ATP8A2: variants seen among roughly 807,000 people sequenced by gnomAD.
ATP8A2 encodes ATPase phospholipid transporting 8A2.
Under a neutral mutation model 165.6 loss-of-function variants are expected in ATP8A2, and 100 were observed. That is an observed-to-expected ratio of 0.60 (90% CI 0.51 to 0.71). The LOEUF (loss-of-function observed/expected upper bound fraction) is 0.71, where lower values mean the gene tolerates loss of function less well. Ranked by LOEUF, ATP8A2 falls within the 30% of genes least tolerant of loss-of-function variation. ATP8A2 has a pLI of 0.00. For missense variants in ATP8A2, 1,227 were observed against 1,479.5 expected (o/e 0.83, Z 2.80); for synonymous variants, 543 against 548.8 (o/e 0.99, Z 0.15).
chr13:25,725,393 G>C (rs2043470760), intron 25 of ATP8A2, among the ~76,000 whole-genome samples: 1 of 152,214 alleles, frequency 6.6e-6, no homozygotes, highest in Non-Finnish European at 1.5e-5. Flanking sequence ...CATTAAAGTG[G>C]ACCAAAGTGG....
chr13:25,505,061 A>T (rs1009207088), intron 2 of ATP8A2, among the ~76,000 whole-genome samples: 1 of 152,172 alleles, frequency 6.6e-6, no homozygotes, highest in African/African-American at 2.4e-5. Context: ...GATAGCAATC[A>T]CTTTACCAAA....
intron 33 of ATP8A2, among the ~76,000 whole-genome samples, chr13:25,932,854 T>TC (rs1372946408): frequency 6.6e-6 from 1 of 152,184 alleles, no homozygotes; most frequent in Admixed American, 6.5e-5. Context: ...CATGAACTTT[T>TC]CTTTTTTTTT....
intron 33 of ATP8A2, among the ~76,000 whole-genome samples, chr13:25,903,470 T>C (rs1953829490): frequency 6.6e-6 from 1 of 152,320 alleles, no homozygotes; most frequent in Non-Finnish European, 1.5e-5. Context: ...GGAATGATCC[T>C]TTCAGAACCT....
At chr13:25,447,385 C>T (rs189309029) in intron 1 of ATP8A2, among the ~76,000 whole-genome samples, 91 of 152,214 alleles carry the variant, frequency 6.0e-4, no homozygotes, top group Middle Eastern at 6.8e-3. Flanking sequence ...AAACATTTAT[C>T]ATTTCTCTGT....
chr13:25,642,423 C>A (rs1453778393), intron 24 of ATP8A2, among the ~76,000 whole-genome samples: 1 of 152,048 alleles, frequency 6.6e-6, no homozygotes, highest in Non-Finnish European at 1.5e-5. Context: ...AACCCCATCA[C>A]AAAGTGGGCG....
intron 27 of ATP8A2, among the ~76,000 whole-genome samples, chr13:25,785,579 A>G (rs1432744392): frequency 2.0e-5 from 3 of 152,120 alleles, no homozygotes; most frequent in Non-Finnish European, 4.4e-5. Flanking sequence ...CAGTAGAGAC[A>G]TAGTTGTCTA....
chr13:25,485,594 G>T (rs1249221011), intron 2 of ATP8A2, among the ~76,000 whole-genome samples: 1 of 152,218 alleles, frequency 6.6e-6, no homozygotes, highest in African/African-American at 2.4e-5. Flanking sequence ...AGCTGGTGTT[G>T]AAAGTTCTTC....
chr13:25,390,867 G>A (rs11617221), intron 1 of ATP8A2, among the ~76,000 whole-genome samples: 38,261 of 151,336 alleles, frequency 0.25, 6,433 homozygotes, highest in Non-Finnish European at 0.38. Context: ...AGAGGTTGCA[G>A]TGAGCCGAGA....
At chr13:25,541,277 A>T (rs1397691273) in intron 8 of ATP8A2, among the ~76,000 whole-genome samples, 1 of 152,120 alleles carries the variant, frequency 6.6e-6, no homozygotes, top group Non-Finnish European at 1.5e-5. Context: ...TTTCTTTTCT[A>T]CTGTAGATAT....
Position 25,577,099 on chromosome 13 carries a change from A to T in ATP8A2, c.1743A>T (p.Arg581=), listed in dbSNP as rs2039639506. ...SDRKRMSVIV[R]TPSGRLRLYC... ...GAAAAAGAATGTCTGTAATTGTTCGAACTCCTTCAGGACGACTTCGGCTTT... is the reference window on the plus strand; with the variant it reads ...GAAAAAGAATGTCTGTAATTGTTCGTACTCCTTCAGGACGACTTCGGCTTT... Residue 581 remains arginine (R), a synonymous_variant, in exon 20 of 37, where the codon CGA becomes CGT. Coordinates refer to ENST00000381655, the MANE Select transcript of ATP8A2 (RefSeq NM_016529.6). 1 of 1,613,994 alleles carries T rather than the reference A, an allele frequency of 6.2e-7. No homozygotes were observed. Among genetic ancestry groups the T allele is most frequent in the Admixed American group, 1.7e-5 (1 of 60,004 alleles).
chr13:25,404,240 G>T (rs1017602899), intron 1 of ATP8A2, among the ~76,000 whole-genome samples: 1 of 152,120 alleles, frequency 6.6e-6, no homozygotes, highest in Non-Finnish European at 1.5e-5. Context: ...GAAGCTGGGG[G>T]TGGCAAGCAT....
At chr13:25,965,003 A>G (rs946841016) in intron 34 of ATP8A2, among the ~76,000 whole-genome samples, 5 of 152,160 alleles carry the variant, frequency 3.3e-5, no homozygotes, top group Non-Finnish European at 7.3e-5. Context: ...CTACAAAAAT[A>G]CAAAAATTAG....
chr13:25,790,499 A>C (rs139254797), intron 27 of ATP8A2, among the ~76,000 whole-genome samples: 1,532 of 150,618 alleles, frequency 0.01, 19 homozygotes, highest in African/African-American at 0.035. Flanking sequence ...CAGCCTGGGA[A>C]ACATGGCAAA....
At chr13:25,915,690 G>A (rs541805948) in intron 33 of ATP8A2, among the ~76,000 whole-genome samples, 1 of 152,328 alleles carries the variant, frequency 6.6e-6, no homozygotes, top group South Asian at 2.1e-4. Context: ...CCCTGCAGGG[G>A]TGAGGCAGAA....
chr13:25,844,567 C>T (rs1328981414), intron 30 of ATP8A2, among the ~76,000 whole-genome samples: 1 of 151,930 alleles, frequency 6.6e-6, no homozygotes, highest in Non-Finnish European at 1.5e-5. Flanking sequence ...GAATGTATAT[C>T]CTCCCCACCC....
Position 25,439,389 on chromosome 13 carries a change from T to C in ATP8A2, c.77-29588T>C, listed in dbSNP as rs1273801763. Among the ~76,000 whole-genome samples, 3 of 152,206 alleles carry C rather than the reference T, an allele frequency of 2.0e-5. No individual in the cohort carries two copies. The East Asian group carries it at 5.8e-4, about 29-fold the overall frequency. Reference sequence around the variant, plus strand: ...CCGTAGATCTCCATAAATGTCTTTGTATGAGGGCTCCAGACTCTATTAGGG... The same window carrying C: ...CCGTAGATCTCCATAAATGTCTTTGCATGAGGGCTCCAGACTCTATTAGGG... On this transcript the variant is annotated intron_variant, in intron 1 of 36. Transcript: ENST00000381655.
intron 25 of ATP8A2, among the ~76,000 whole-genome samples, chr13:25,760,029 C>A (rs371837987): frequency 5.9e-5 from 9 of 152,164 alleles, no homozygotes; most frequent in African/African-American, 1.9e-4. Flanking sequence ...TCAAAGTGAG[C>A]CCTTTCTCAG....
chr13:25,947,226 C>T (rs569991529), intron 33 of ATP8A2, among the ~76,000 whole-genome samples: 1 of 152,272 alleles, frequency 6.6e-6, no homozygotes, highest in East Asian at 1.9e-4. Context: ...TCTGAATGCC[C>T]AAAAGAGTGA....
chr13:25,624,968 A>G (rs1353506171), intron 24 of ATP8A2, among the ~76,000 whole-genome samples: 1 of 152,232 alleles, frequency 6.6e-6, no homozygotes, highest in Non-Finnish European at 1.5e-5. Context: ...CTAAAGATAT[A>G]AAATGGTCTT....
Sources: gnomAD v4.1 joint callset for allele counts (sites outside exome capture counted in the v4.1 genomes callset) on GRCh38, gnomAD v4.1.1 for gene constraint, MANE v1.5 for transcripts, NCBI Gene and HGNC (gene_info 2026-07-23, HGNC 2026-07-21) for gene names.